Variants in ZMYM2 observed in about 807,000 individuals in gnomAD.
The protein encoded by ZMYM2 is zinc finger MYM-type containing 2.
In ZMYM2, 56 loss-of-function variants were observed where a neutral mutation model predicts 162.8. That is an observed-to-expected ratio of 0.34 (90% CI 0.28 to 0.43). The LOEUF (loss-of-function observed/expected upper bound fraction) is 0.43. Ranked by LOEUF, ZMYM2 falls within the 20% of genes least tolerant of loss-of-function variation. The pLI is 1.00. For synonymous variants in ZMYM2, 510 were observed against 541.6 expected (o/e 0.94, Z 0.81); for missense variants, 1,275 against 1,621.8 (o/e 0.79, Z 3.67).
At chr13:19,993,972 G>A in intron 3 of ZMYM2, 53 bp downstream of exon 3, 2 of 1,546,204 alleles carry the variant, frequency 1.3e-6, no homozygotes, top group Admixed American at 2.2e-5. Flanking sequence ...ACTTTTGGCT[G>A]CTGCTTTTTT....
chr13:19,983,347 T>C (rs1957517829), intron 2 of ZMYM2, among the ~76,000 whole-genome samples: 1 of 152,148 alleles, frequency 6.6e-6, no homozygotes, highest in Non-Finnish European at 1.5e-5. Context: ...GGTTTTGCCG[T>C]GTTGGCCAGG....
intron 21 of ZMYM2, among the ~76,000 whole-genome samples, chr13:20,078,331 AATCT>A (rs55914277): frequency 0.86 from 130,561 of 151,768 alleles, 57,522 homozygotes; most frequent in East Asian, 0.99. Context: ...TTAGAAGTAG[AATCT>A]ATCTAATAGC....
the ZMYM2 span, among the ~76,000 whole-genome samples, chr13:19,935,936 C>T: frequency 1.3e-5 from 2 of 152,156 alleles, no homozygotes; most frequent in African/African-American, 4.8e-5. Context: ...TCTCTGTAAG[C>T]CTTTTCAGCT....
chr13:19,870,292 A>T, the ZMYM2 span, among the ~76,000 whole-genome samples: 2 of 152,126 alleles, frequency 1.3e-5, no homozygotes, highest in African/African-American at 4.8e-5. Flanking sequence ...AGTAGCTGAG[A>T]CTACAGGTAT....
chr13:19,911,561 G>T, the ZMYM2 span, among the ~76,000 whole-genome samples: 1 of 152,182 alleles, frequency 6.6e-6, no homozygotes, highest in Non-Finnish European at 1.5e-5. Flanking sequence ...GCCTTTTGGG[G>T]TTTACTGGAC....
At chr13:20,055,997 A>C (rs1013039844) in intron 14 of ZMYM2, among the ~76,000 whole-genome samples, 2 of 152,198 alleles carry the variant, frequency 1.3e-5, no homozygotes, top group African/African-American at 4.8e-5. Context: ...AGTGTTATAC[A>C]GGGAAAAGGT....
chr13:19,952,763 G>A, the ZMYM2 span, among the ~76,000 whole-genome samples: 2 of 151,974 alleles, frequency 1.3e-5, no homozygotes, highest in Non-Finnish European at 2.9e-5. Context: ...AAGGAGAGAA[G>A]AAGGGATTTT....
At chr13:20,072,787 T>C (rs1291658779) in intron 21 of ZMYM2, among the ~76,000 whole-genome samples, 2 of 152,178 alleles carry the variant, frequency 1.3e-5, no homozygotes, top group Non-Finnish European at 2.9e-5. Flanking sequence ...TTTAGCAATT[T>C]TGTCTTTCAA....
the ZMYM2 span, among the ~76,000 whole-genome samples, chr13:19,900,931 C>T: frequency 8.6e-4 from 131 of 152,160 alleles, no homozygotes; most frequent in South Asian, 1.7e-3. Context: ...ACTCGTGAGG[C>T]TGAGGCATGG....
the ZMYM2 span, among the ~76,000 whole-genome samples, chr13:19,871,542 C>A: frequency 1.3e-5 from 2 of 152,104 alleles, no homozygotes; most frequent in African/African-American, 4.8e-5. Context: ...GGACTACAAG[C>A]ACGTGCCACC....
chr13:19,908,172 C>T, the ZMYM2 span, among the ~76,000 whole-genome samples: 1 of 151,902 alleles, frequency 6.6e-6, no homozygotes, highest in South Asian at 2.1e-4. Flanking sequence ...CCTGTATTCC[C>T]AGCTACTCAA....
chr13:19,877,786 A>G, the ZMYM2 span, among the ~76,000 whole-genome samples: 1 of 152,160 alleles, frequency 6.6e-6, no homozygotes, highest in South Asian at 2.1e-4. Flanking sequence ...TTGCTTATCC[A>G]CTTCTGCCGA....
the ZMYM2 span, among the ~76,000 whole-genome samples, chr13:19,883,717 CTCTT>C: frequency 8.7e-4 from 133 of 152,288 alleles, no homozygotes; most frequent in African/African-American, 3.1e-3. Flanking sequence ...GTAAGACAGA[CTCTT>C]ACTTCAAGAT....
the ZMYM2 span, among the ~76,000 whole-genome samples, chr13:19,940,599 A>T: frequency 6.6e-6 from 1 of 152,166 alleles, no homozygotes; most frequent in African/African-American, 2.4e-5. Flanking sequence ...AACTCTCTAA[A>T]ATCTTTCATT....
chr13:19,873,185 T>C, the ZMYM2 span, among the ~76,000 whole-genome samples: 832 of 152,188 alleles, frequency 5.5e-3, 6 homozygotes, highest in African/African-American at 0.019. Flanking sequence ...ACTCAGATTG[T>C]ATCAATGGTC....
In ZMYM2 at chr13:20,076,117, T is replaced by C. The variant is rs185173421; in HGVS notation, c.3454-5899T>C. On this transcript the variant is annotated intron_variant, in intron 21 of 24. Coordinates refer to ENST00000610343, the MANE Select transcript of ZMYM2 (RefSeq NM_197968.4). ...AGGAACACTAGACCATATTATATAC[T>C]TCTACATCTTACTTTCTCTTCATCT... Among the ~76,000 whole-genome samples, 62 of 150,640 alleles carry C rather than the reference T, an allele frequency of 4.1e-4. 10 individuals carry two copies. Among genetic ancestry groups the C allele is most frequent in the African/African-American group, 1.5e-3 (61 of 39,938 alleles).
intron 9 of ZMYM2, among the ~76,000 whole-genome samples, chr13:20,028,801 C>T (rs1594450341): frequency 6.6e-6 from 1 of 151,380 alleles, no homozygotes; most frequent in Admixed American, 6.6e-5. Flanking sequence ...CATACACATG[C>T]AATCATCTTT....
chr13:19,951,500 G>C, the ZMYM2 span, among the ~76,000 whole-genome samples: 1 of 119,954 alleles, frequency 8.3e-6, no homozygotes, highest in Non-Finnish European at 1.6e-5. Flanking sequence ...GACCAGCCTG[G>C]TCAACACGGT....
rs922215300 is a variant in ZMYM2 at position 20,061,081 on chromosome 13, C to T, written c.2768C>T (p.Pro923Leu). Residue 923 changes from proline (P) to leucine (L), a missense_variant, in exon 17 of 25, where the codon CCA (proline) becomes CTA (leucine). Physicochemically the swap from Pro to Leu is moderately conservative, Grantham distance 98 (BLOSUM62 -3). Around this residue, in one of 10 missense-constraint regions of ZMYM2, gnomAD observed 229 missense variants for 283.8 expected, o/e 0.81. Transcript: ENST00000610343. ...PVPVPVFLPA[P>L]LDSSEKIPAA... ...CCAGTTCCTGTTTTTCTGCCTGCTC[C>T]ATTGGACAGCAGTGAGAAGATTCCT... The T allele has an allele frequency of 1.2e-6, 2 of 1,612,056 alleles. No homozygotes were observed. Among genetic ancestry groups the T allele is most frequent in the African/African-American group, 2.7e-5 (2 of 75,030 alleles).
Sources: gnomAD v4.1 joint callset for allele counts (sites outside exome capture counted in the v4.1 genomes callset) on GRCh38, gnomAD v4.1.1 for gene constraint, gnomAD v4.1.1 regional missense constraint, MANE v1.5 for transcripts, NCBI Gene and HGNC (gene_info 2026-07-23, HGNC 2026-07-21) for gene names.